The following IL3RA variants were observed in gnomAD, a reference collection of about 807,000 sequenced individuals.
IL3RA encodes interleukin 3 receptor subunit alpha.
IL3RA carries 73 observed loss-of-function variants against 52.3 expected under a neutral mutation model. The observed-to-expected ratio is 1.40, with a 90% CI of 1.16 to 1.70. The LOEUF (loss-of-function observed/expected upper bound fraction) is 1.70. IL3RA is among the 40% of genes most tolerant of loss of function. The pLI is 0.00. For missense variants in IL3RA, 664 were observed against 504.4 expected (o/e 1.32, Z -3.03); for synonymous variants, 260 against 194.0 (o/e 1.34, Z -2.83).
rs771743300 is a variant in IL3RA at position 1,365,189 on chromosome X, C to T, written c.811C>T (p.Gln271Ter). Residue 271 changes from glutamine to a stop codon, truncating the protein, a stop_gained, in exon 9 of 12, where the codon CAA (glutamine) becomes TAA (stop). Transcript: ENST00000331035. LOFTEE classifies it high-confidence loss of function. The part of the protein sequence containing the change: ...QLLNPGTYTV[Q>*]IRARERVYEF... ...ACTCAATCCTGGAACGTACACAGTACAAATAAGAGCCCGGGAAAGAGTGTA... is the reference window on the plus strand; with the variant it reads ...ACTCAATCCTGGAACGTACACAGTATAAATAAGAGCCCGGGAAAGAGTGTA... 9 of 1,611,180 alleles carry T rather than the reference C, an allele frequency of 5.6e-6. No individual in the cohort carries two copies. In the African/African-American group the frequency reaches 9.4e-5, roughly 17 times the overall value.
chrX:1,354,469 G>C (rs1157339416), intron 6 of IL3RA, among the ~76,000 whole-genome samples: 2 of 143,234 alleles, frequency 1.4e-5, no homozygotes, highest in African/African-American at 5.8e-5. Flanking sequence ...AGAAGAGAAG[G>C]GAGGAGAGGA....
At chrX:1,363,331 C>T (rs1332181599) in intron 8 of IL3RA, among the ~76,000 whole-genome samples, 11 of 140,836 alleles carry the variant, frequency 7.8e-5, no homozygotes, top group South Asian at 2.3e-4. Context: ...GACGGAGTCT[C>T]GCTCTGTCAC....
chrX:1,341,575 C>T (rs2085498834), intron 1 of IL3RA, among the ~76,000 whole-genome samples, 153 bp from the exon 2 acceptor site: 1 of 152,202 alleles, frequency 6.6e-6, no homozygotes, highest in Non-Finnish European at 1.5e-5. Flanking sequence ...CGCATTTGCA[C>T]ACAGACACAT....
Position 1,347,935 on chromosome X carries a change from G to A in IL3RA, c.184-496G>A, listed in dbSNP as rs1319465609. Among the ~76,000 whole-genome samples the A allele has an allele frequency of 2.0e-5, 3 of 150,976 alleles. No homozygotes were observed. In the Admixed American group the frequency reaches 2.0e-4, roughly 10 times the overall value. On this transcript the variant is annotated intron_variant, in intron 3 of 11. Transcript: ENST00000331035. ...GCCTGTAGTCCCAGCTACTTGGGAGGATGAGGCAGGAGAATGGCATGAACC... is the reference window on the plus strand; with the variant it reads ...GCCTGTAGTCCCAGCTACTTGGGAGAATGAGGCAGGAGAATGGCATGAACC...
intron 8 of IL3RA, 42 bp from the exon 9 acceptor site, chrX:1,365,096 A>T: frequency 6.8e-7 from 1 of 1,470,426 alleles, no homozygotes; most frequent in Non-Finnish European, 9.5e-7. Flanking sequence ...GTCATGAGCC[A>T]CCATACCTGG....
intron 8 of IL3RA, among the ~76,000 whole-genome samples, chrX:1,360,633 C>T (rs1476329669): frequency 5.9e-5 from 9 of 152,114 alleles, no homozygotes; most frequent in Non-Finnish European, 1.0e-4. Context: ...AATCTACTCC[C>T]TCAGCCTCCC....
rs1328284391 is a variant in IL3RA at position 1,348,307 on chromosome X, C to G, written c.184-124C>G. ...GGGAGAGGCTGCAGTGAGCCGAGATCACGCCACTGCACTCCAGCGTGGGCG... is the reference window on the plus strand; with the variant it reads ...GGGAGAGGCTGCAGTGAGCCGAGATGACGCCACTGCACTCCAGCGTGGGCG... On this transcript the variant is annotated intron_variant, in intron 3 of 11. Transcript: ENST00000331035. 5 of 751,694 alleles carry G rather than the reference C, an allele frequency of 6.7e-6. No homozygotes were observed. The East Asian group carries it at 1.2e-4, about 19-fold the overall frequency. 46.6% of individuals were successfully genotyped at this position (751,694 alleles called of 1,614,324 possible).
chrX:1,343,996 G>A (rs1216895498), intron 2 of IL3RA, among the ~76,000 whole-genome samples: 11 of 151,840 alleles, frequency 7.2e-5, no homozygotes, highest in East Asian at 2.0e-4. Context: ...GGGTTTCACC[G>A]TGTTAGCCAG....
chrX:1,339,522 G>A (rs1302526732), intron 1 of IL3RA, among the ~76,000 whole-genome samples: 2 of 152,158 alleles, frequency 1.3e-5, no homozygotes, highest in African/African-American at 2.4e-5. Context: ...GGCCGGGCGC[G>A]GTGGCTCACG....
chrX:1,364,795 TTTA>T (rs2149113072), intron 8 of IL3RA, among the ~76,000 whole-genome samples: 2 of 113,590 alleles, frequency 1.8e-5, no homozygotes, highest in South Asian at 6.3e-4. Flanking sequence ...TCTTCTTTTA[TTTA>T]TTTATTTATT....
chrX:1,337,630 A>AC (rs1214072674), intron 1 of IL3RA, among the ~76,000 whole-genome samples: 7 of 149,912 alleles, frequency 4.7e-5, no homozygotes, highest in Non-Finnish European at 1.0e-4. Flanking sequence ...CAGCCCTCAT[A>AC]CCCATCTATA....
chrX:1,351,964 C>T, intron 4 of IL3RA, 136 bp from the exon 5 acceptor site: 1 of 1,088,092 alleles, frequency 9.2e-7, no homozygotes, highest in Non-Finnish European at 1.3e-6. Flanking sequence ...TGGGTTTCTC[C>T]ATGTTGGCCA....
At chrX:1,348,764 TTTTC>T (rs1261086857) in intron 4 of IL3RA, among the ~76,000 whole-genome samples, 91 of 150,348 alleles carry the variant, frequency 6.1e-4, no homozygotes, top group Middle Eastern at 3.4e-3. Flanking sequence ...CCTCTCTTTC[TTTTC>T]TTTCTCTTTC....
Position 1,365,358 on chromosome X carries a change from G to C in IL3RA, c.874+106G>C, listed in dbSNP as rs1408214288. The C allele has an allele frequency of 1.5e-3, 641 of 417,812 alleles. 13 individuals are homozygous for C. Among genetic ancestry groups the C allele is most frequent in the African/African-American group, 0.013 (359 of 27,640 alleles). 25.9% of individuals were successfully genotyped at this position (417,812 alleles called of 1,614,324 possible). A position where few individuals can be genotyped will look rare whatever the true frequency, so the allele number is the denominator to read the frequency against. ...GGTGCGCGGGGTGAGCGGGGTGAGCGGGGTGAGCCGGGTGCGCGGGGTGAG... is the reference window on the plus strand; with the variant it reads ...GGTGCGCGGGGTGAGCGGGGTGAGCCGGGTGAGCCGGGTGCGCGGGGTGAG... On this transcript the variant is annotated intron_variant, in intron 9 of 11. Coordinates refer to ENST00000331035, the MANE Select transcript of IL3RA (RefSeq NM_002183.4).
At chrX:1,357,345 T>G (rs2086816375) in intron 7 of IL3RA, among the ~76,000 whole-genome samples, 1 of 134,436 alleles carries the variant, frequency 7.4e-6, no homozygotes. Context: ...TCACCCAAGC[T>G]GTTTGTTTGT....
At chrX:1,363,838 G>GC (rs1217591432) in intron 8 of IL3RA, among the ~76,000 whole-genome samples, 1 of 151,416 alleles carries the variant, frequency 6.6e-6, no homozygotes, top group East Asian at 2.0e-4. Context: ...TCCTGCCTCA[G>GC]CCCCCCAAGT....
intron 1 of IL3RA, among the ~76,000 whole-genome samples, chrX:1,339,728 G>T (rs757432640): frequency 6.6e-6 from 1 of 152,032 alleles, no homozygotes; most frequent in African/African-American, 2.4e-5. Flanking sequence ...GGAGGTGGAG[G>T]TTGCAGTGAA....
intron 10 of IL3RA, among the ~76,000 whole-genome samples, chrX:1,380,577 T>A (rs868505911): frequency 3.2e-4 from 2 of 6,288 alleles, no homozygotes; most frequent in African/African-American, 1.1e-3. Flanking sequence ...AGGGGGAGGG[T>A]GGGGGAGGGG....
In IL3RA at chrX:1,381,013, T is replaced by C. The variant is rs765391819; in HGVS notation, c.981-10T>C. 2 of 1,613,260 alleles carry C rather than the reference T, an allele frequency of 1.2e-6. No individual in the cohort carries two copies. The highest frequency in any genetic ancestry group is 1.3e-5 in the African/African-American group (1 of 75,026). On this transcript the variant is annotated splice_polypyrimidine_tract_variant and intron_variant, in intron 10 of 11. Coordinates refer to ENST00000331035, the MANE Select transcript of IL3RA (RefSeq NM_002183.4). ...GGGTTCAGAGCTGGGCCATTTCTCTTTCCTCCGAGGTATCTGGTGATGCAG... is the reference window on the plus strand; with the variant it reads ...GGGTTCAGAGCTGGGCCATTTCTCTCTCCTCCGAGGTATCTGGTGATGCAG...
Sources: gnomAD v4.1 joint callset for allele counts (sites outside exome capture counted in the v4.1 genomes callset) on GRCh38, gnomAD v4.1.1 for gene constraint, MANE v1.5 for transcripts, NCBI Gene and HGNC (gene_info 2026-07-23, HGNC 2026-07-21) for gene names.